TBC1D16: variants seen among roughly 807,000 people sequenced by gnomAD.
The protein encoded by TBC1D16 is CTD-2529O21.1.
TBC1D16 carries 58 observed loss-of-function variants against 74.7 expected under a neutral mutation model. The ratio of observed to expected loss-of-function variants is 0.78; its 90% CI spans 0.63 to 0.97. The LOEUF is 0.97. Ranked by LOEUF, TBC1D16 falls within the 50% of genes least tolerant of loss-of-function variation. The pLI is 0.00. For synonymous variants in TBC1D16, 493 were observed against 474.7 expected (o/e 1.04, Z -0.50); for missense variants, 1,014 against 1,079.5 (o/e 0.94, Z 0.85).
At position 79,951,578 on chromosome 17, in the gene TBC1D16, C is replaced by T. The variant is rs201374178; in HGVS notation, c.961G>A (p.Gly321Ser). ...LFFSDEACTSGQLVVASRESQ... is the reference protein window; with the variant it reads ...LFFSDEACTSSQLVVASRESQ... ...TCTCGGCTGGCAACGACCAGCTGGC[C>T]GCTGGTGCAGGCCTCGTCGCTGAAG... Residue 321 changes from glycine to serine, a missense_variant, in exon 5 of 12, where the codon GGC (glycine) becomes AGC (serine). Coordinates refer to ENST00000310924, the MANE Select transcript of TBC1D16 (RefSeq NM_019020.4). 1.9e-5 allele frequency: 31 copies of T among 1,613,658 alleles called. No homozygotes were observed. The highest frequency in any genetic ancestry group is 3.3e-5 in the Admixed American group (2 of 60,000).
In TBC1D16 at chr17:79,985,730, G is replaced by A; in HGVS notation, c.779+24430C>T. 6.6e-6 allele frequency among the ~76,000 whole-genome samples: 1 copy of A among 152,208 alleles called. No individual in the cohort carries two copies. The highest frequency in any genetic ancestry group is 1.9e-4 in the East Asian group (1 of 5,200). The stretch of plus-strand genomic sequence containing the variant: ...GTAGCTAATTAACTTTCTGTGTGAA[G>A]ACCTCTCTAATTGCGCACACTCCCC... On this transcript the variant is annotated intron_variant, in intron 3 of 11. Transcript: ENST00000310924. The surrounding 1 kb of genome is among the most constrained non-coding windows in gnomAD (Gnocchi z 4.9).
In TBC1D16 at chr17:79,948,966, T is replaced by C; in HGVS notation, c.1447A>G (p.Asn483Asp). 2 of 1,614,142 alleles carry C rather than the reference T, an allele frequency of 1.2e-6. No individual in the cohort carries two copies. Among genetic ancestry groups the C allele is most frequent in the Non-Finnish European group, 1.7e-6 (2 of 1,180,020 alleles). The change falls in exon 8 of 12, where the codon AAT becomes GAT. Residue 483 changes from asparagine to aspartate, a missense_variant. Asn to Asp is a conservative substitution (Grantham distance 23, BLOSUM62 1). Coordinates refer to ENST00000310924, the MANE Select transcript of TBC1D16 (RefSeq NM_019020.4). ...TCTTTGTCCACAGTGAACTGCACAT[T>C]ACGCCAGAACGCTCTGTGCTCCTCG... Reference protein sequence around the residue: ...TPEEHRAFWRNVQFTVDKDVV... With the variant: ...TPEEHRAFWRDVQFTVDKDVV...
chr17:79,984,352 A>G (rs1344839229), intron 3 of TBC1D16, among the ~76,000 whole-genome samples: 1 of 152,172 alleles, frequency 6.6e-6, no homozygotes, highest in Admixed American at 6.6e-5. Flanking sequence ...TTTTATATAC[A>G]GCCTGCCTGT....
chr17:80,002,008 G>A (rs2035505798), intron 3 of TBC1D16, among the ~76,000 whole-genome samples: 4 of 152,168 alleles, frequency 2.6e-5, no homozygotes, highest in Admixed American at 2.6e-4. Context: ...CCACCTCCAG[G>A]AGTTTCTAAT....
At position 79,983,337 on chromosome 17, in the gene TBC1D16, A is replaced by C. The variant is rs2034671067; in HGVS notation, c.779+26823T>G. Among the ~76,000 whole-genome samples the C allele has an allele frequency of 1.3e-5, 2 of 152,180 alleles. No homozygotes were observed. Among genetic ancestry groups the C allele is most frequent in the African/African-American group, 4.8e-5 (2 of 41,454 alleles). On this transcript the variant is annotated intron_variant, in intron 3 of 11. Transcript: ENST00000310924. The surrounding 1 kb of genome is among the most constrained non-coding windows in gnomAD (Gnocchi z 5.6). The stretch of plus-strand genomic sequence containing the variant: ...GTGTGTCTTAGGAGGTTGAGTGCAC[A>C]TTGCAGGGCCCAGGGGCCCCTCGGA...
intron 1 of TBC1D16, among the ~76,000 whole-genome samples, chr17:80,030,294 C>A (rs894310): frequency 0.26 from 38,929 of 152,008 alleles, 5,102 homozygotes; most frequent in African/African-American, 0.28. Context: ...GTGAACCCCC[C>A]ACGCAGAGTG....
Position 79,979,653 on chromosome 17 carries a change from C to T in TBC1D16, c.780-26835G>A, listed in dbSNP as rs1259278282. Among the ~76,000 whole-genome samples, 1 of 152,054 alleles carries T rather than the reference C, an allele frequency of 6.6e-6. No homozygotes were observed. Among genetic ancestry groups the T allele is most frequent in the Non-Finnish European group, 1.5e-5 (1 of 68,028 alleles). ...AGGCACACGTCGACCTTCACTGTTT[C>T]CTGCAAACACAGCTGGGACATCAGC... On this transcript the variant is annotated intron_variant, in intron 3 of 11. Transcript: ENST00000310924. This position sits in a 1 kb window ranked among gnomAD's most constrained non-coding sequence, Gnocchi z 4.8.
chr17:79,943,774 A>C, intron 10 of TBC1D16: 1 of 1,205,124 alleles, frequency 8.3e-7, no homozygotes, highest in East Asian at 4.6e-5. Flanking sequence ...GTCCATGGGA[A>C]AGGGACCCAT....
Position 80,001,767 on chromosome 17 carries a change from C to T in TBC1D16, c.779+8393G>A, listed in dbSNP as rs908097717. Among the ~76,000 whole-genome samples, 8 of 151,880 alleles carry T rather than the reference C, an allele frequency of 5.3e-5. No individual in the cohort carries two copies. Among genetic ancestry groups the T allele is most frequent in the Non-Finnish European group, 1.0e-4 (7 of 67,946 alleles). ...GCTGGAGTGGCCCCTAAGACACGCA[C>T]GGCCCACCCTCCCCACTCACCCCTT... On this transcript the variant is annotated intron_variant, in intron 3 of 11. Transcript: ENST00000310924. The surrounding 1 kb of genome is among the most constrained non-coding windows in gnomAD (Gnocchi z 5.8).
Position 79,994,492 on chromosome 17 carries a change from C to G in TBC1D16, c.779+15668G>C, listed in dbSNP as rs1181715242. Among the ~76,000 whole-genome samples the G allele has an allele frequency of 6.6e-6, 1 of 152,220 alleles. No homozygotes were observed. Among genetic ancestry groups the G allele is most frequent in the Non-Finnish European group, 1.5e-5 (1 of 68,034 alleles). On this transcript the variant is annotated intron_variant, in intron 3 of 11. Transcript: ENST00000310924. This position sits in a 1 kb window ranked among gnomAD's most constrained non-coding sequence, Gnocchi z 4.6. ...AGGCTGGAGTGCAATGGCGTGATCA[C>G]AGCTCACTGCAACCTCTGCCTCCTG...
At position 80,030,451 on chromosome 17, in the gene TBC1D16, C is replaced by G. The variant is rs71389725; in HGVS notation, c.-63+5344G>C. Among the ~76,000 whole-genome samples the G allele has an allele frequency of 2.8e-3, 425 of 152,260 alleles. 1 individual carries two copies. Among genetic ancestry groups the G allele is most frequent in the Non-Finnish European group, 4.2e-3 (286 of 68,010 alleles). The stretch of plus-strand genomic sequence containing the variant: ...CAGGACCTGCCCGTGGAGGCTGCCT[C>G]CACCTAAGGTCTTAGTTTCCTGTCC... On this transcript the variant is annotated intron_variant, in intron 1 of 11. Coordinates refer to ENST00000310924, the MANE Select transcript of TBC1D16 (RefSeq NM_019020.4).
Position 79,952,728 on chromosome 17 carries a change from G to T in TBC1D16, c.870C>A (p.Cys290Ter), listed in dbSNP as rs1220706066. The T allele has an allele frequency of 1.9e-6, 3 of 1,612,336 alleles. No homozygotes were observed. The highest frequency in any genetic ancestry group is 3.3e-5 in the Admixed American group (2 of 59,994). Reference protein sequence around the residue: ...TPRWDEPQRVCALEQICGVFR... With the variant: ...TPRWDEPQRV ...ACACGCCGCAAATCTGCTCCAGGGC[G>T]CACACCCGCTGCGGCTCGTCCCAGC... Residue 290 changes from cysteine (C) to a stop codon, truncating the protein, a stop_gained, in exon 4 of 12, where the codon TGC (cysteine) becomes TGA (stop). Coordinates refer to ENST00000310924, the MANE Select transcript of TBC1D16 (RefSeq NM_019020.4). LOFTEE classifies it high-confidence loss of function.
intron 3 of TBC1D16, among the ~76,000 whole-genome samples, chr17:80,005,913 G>A (rs1167451144): frequency 6.6e-6 from 1 of 152,000 alleles, no homozygotes; most frequent in Non-Finnish European, 1.5e-5. Context: ...GGGTGGGGTG[G>A]GGGAGTTGTC....
At chr17:80,029,211 G>A (rs1458097449) in intron 1 of TBC1D16, among the ~76,000 whole-genome samples, 1 of 152,164 alleles carries the variant, frequency 6.6e-6, no homozygotes, top group Non-Finnish European at 1.5e-5. Context: ...CTGCTTCCAG[G>A]ACGAGAGCGC....
chr17:80,003,516 G>A (rs910138747), intron 3 of TBC1D16, among the ~76,000 whole-genome samples: 19 of 152,324 alleles, frequency 1.2e-4, no homozygotes, highest in Admixed American at 3.9e-4. Context: ...AGTTAGCAGC[G>A]TGCAGCGCAG....
intron 1 of TBC1D16, among the ~76,000 whole-genome samples, chr17:80,018,504 G>A (rs1360225493): frequency 1.3e-5 from 2 of 149,590 alleles, no homozygotes; most frequent in African/African-American, 5.1e-5. Flanking sequence ...GGATGGTCTC[G>A]ATCTCCTGAC....
rs1555885667 is a variant in TBC1D16 at position 80,023,667 on chromosome 17, A to ACCC, written c.-62-10059_-62-10058insGGG. Among the ~76,000 whole-genome samples the ACCC allele has an allele frequency of 1.1e-4, 16 of 142,516 alleles. 2 individuals carry two copies. Among genetic ancestry groups the ACCC allele is most frequent in the African/African-American group, 4.5e-4 (16 of 35,874 alleles). 93.5% of individuals were successfully genotyped at this position (142,516 alleles called of 152,430 possible). ...GAGAACTGCTGCCGGGCCCCCCCCC[A>ACCC]CCGGCTCAGGGCGTGGCTGGGGTGG... is the stretch of plus-strand genomic sequence containing the variant. On this transcript the variant is annotated intron_variant, in intron 1 of 11. Coordinates refer to ENST00000310924, the MANE Select transcript of TBC1D16 (RefSeq NM_019020.4).
At chr17:79,943,486 G>A (rs1362692556) in intron 10 of TBC1D16, among the ~76,000 whole-genome samples, 1 of 152,136 alleles carries the variant, frequency 6.6e-6, no homozygotes, top group Non-Finnish European at 1.5e-5. Context: ...TCGCTCAGGG[G>A]TCACTGAACA....
At chr17:79,977,375 A>C (rs1359128797) in intron 3 of TBC1D16, among the ~76,000 whole-genome samples, 1 of 151,758 alleles carries the variant, frequency 6.6e-6, no homozygotes, top group Non-Finnish European at 1.5e-5. Flanking sequence ...CGGGTCTCTG[A>C]CTCCAACGAG....
Sources: gnomAD v4.1 joint callset for allele counts (sites outside exome capture counted in the v4.1 genomes callset) on GRCh38, gnomAD v4.1.1 for gene constraint, Gnocchi (gnomAD v3.1) non-coding constraint, MANE v1.5 for transcripts, NCBI Gene and HGNC (gene_info 2026-07-23, HGNC 2026-07-21) for gene names.